DYM: variants seen among roughly 807,000 people sequenced by gnomAD.
DYM encodes dyggve-Melchior-Clausen syndrome protein.
Under a neutral mutation model 93.1 loss-of-function variants are expected in DYM, and 78 were observed. The ratio of observed to expected loss-of-function variants is 0.84; its 90% CI spans 0.70 to 1.01. DYM has a LOEUF of 1.01. Among genes scored for constraint, DYM ranks in the 50% least tolerant of loss-of-function variants. The pLI, the probability that DYM is intolerant of heterozygous loss-of-function variation, is 0.00. For synonymous variants in DYM, 321 were observed against 319.7 expected, an observed-to-expected ratio of 1.00 and a Z score of -0.04; for missense variants, 789 against 845.0, an observed-to-expected ratio of 0.93 and a Z score of 0.82.
chr18:49,249,339 TATC>T (rs1388416651), intron 13 of DYM, among the ~76,000 whole-genome samples: 2 of 152,116 alleles, frequency 1.3e-5, no homozygotes, highest in African/African-American at 4.8e-5. Context: ...TTTCTAAAAT[TATC>T]ATAATCATAT....
intron 1 of DYM, among the ~76,000 whole-genome samples, chr18:49,445,766 T>A (rs1482507297): frequency 6.6e-6 from 1 of 152,102 alleles, no homozygotes. Context: ...GAGTAACACC[T>A]TGCATCAATT....
At chr18:49,324,312 T>G (rs1014216452) in intron 8 of DYM, among the ~76,000 whole-genome samples, 1 of 152,190 alleles carries the variant, frequency 6.6e-6, no homozygotes, top group Non-Finnish European at 1.5e-5. Flanking sequence ...GTAATTCCAG[T>G]TGAGTCTGCA....
intron 14 of DYM, among the ~76,000 whole-genome samples, chr18:49,184,220 CA>C (rs199626783): frequency 0.018 from 2,478 of 139,576 alleles, 68 homozygotes; most frequent in African/African-American, 0.061. Context: ...TTGGGAAAAA[CA>C]AAAAAACAAA....
chr18:49,151,217 C>G (rs889111569), intron 15 of DYM, among the ~76,000 whole-genome samples: 1 of 152,158 alleles, frequency 6.6e-6, no homozygotes, highest in African/African-American at 2.4e-5. Flanking sequence ...TAGATAAAGT[C>G]TGATGCTTTT....
intron 8 of DYM, among the ~76,000 whole-genome samples, chr18:49,297,411 G>T (rs1299724967): frequency 2.6e-5 from 4 of 152,146 alleles, no homozygotes; most frequent in Admixed American, 2.0e-4. Context: ...TATCCTCAGT[G>T]GTTGGGAAGG....
At chr18:49,415,696 T>C (rs1015629730) in intron 2 of DYM, among the ~76,000 whole-genome samples, 1 of 151,732 alleles carries the variant, frequency 6.6e-6, no homozygotes, top group Non-Finnish European at 1.5e-5. Flanking sequence ...TGGAGGCTGA[T>C]GTGGGTGGAT....
In DYM at chr18:49,049,703, A is replaced by T. The variant is rs754296345; in HGVS notation, c.2026-5499T>A. Reference sequence around the variant, plus strand: ...TAATGTTCTGTAATCAAACCTAAAGACTAGACATACTATGATGTTTACTAT... The same window carrying T: ...TAATGTTCTGTAATCAAACCTAAAGTCTAGACATACTATGATGTTTACTAT... On this transcript the variant is annotated intron_variant, in intron 17 of 17. Transcript: ENST00000675505. The T allele has an allele frequency of 6.2e-4, 96 of 154,474 alleles. 2 individuals carry two copies. In the Middle Eastern group the frequency reaches 0.028, roughly 44 times the overall value. The allele number at this position is 154,474 out of a possible 1,614,324, so 9.6% of individuals were successfully genotyped here.
intron 3 of DYM, among the ~76,000 whole-genome samples, chr18:49,381,028 G>C (rs182500269): frequency 6.6e-6 from 1 of 151,838 alleles, no homozygotes; most frequent in South Asian, 2.1e-4. Context: ...ACAGGGTCTC[G>C]GTCTACCACC....
intron 12 of DYM, among the ~76,000 whole-genome samples, chr18:49,257,683 T>TAA (rs34323925): frequency 5.6e-4 from 82 of 146,066 alleles, no homozygotes; most frequent in Middle Eastern, 3.5e-3. Flanking sequence ...TTTGGCTATT[T>TAA]AAAAAAAAAA....
chr18:49,376,906 C>A lies in DYM; in HGVS notation c.421+1661G>T, dbSNP rs999265597. Among the ~76,000 whole-genome samples the A allele has an allele frequency of 2.0e-5, 3 of 152,206 alleles. No individual in the cohort carries two copies. In the East Asian group the frequency reaches 5.8e-4, roughly 29 times the overall value. ...AATTCATATTCTATTTCTCCAAAAC[C>A]GTTTCCTGATCTTGAAAGAGGCCAT... On this transcript the variant is annotated intron_variant, in intron 5 of 17. Coordinates refer to ENST00000675505, the MANE Select transcript of DYM (RefSeq NM_001353214.3).
intron 8 of DYM, among the ~76,000 whole-genome samples, chr18:49,292,355 G>GACACACACACACACACACACAC (rs57025579): frequency 1.5e-4 from 13 of 84,740 alleles, no homozygotes; most frequent in East Asian, 1.4e-3. Context: ...CAGACAGACA[G>GACACACACACACACACACACAC]ACACACACAC....
At chr18:49,060,548 C>G (rs1280121354) in intron 17 of DYM, among the ~76,000 whole-genome samples, 4 of 148,988 alleles carry the variant, frequency 2.7e-5, no homozygotes, top group Non-Finnish European at 4.4e-5. Flanking sequence ...GGTAGGCTCT[C>G]TGTGTGCCAT....
chr18:49,192,944 C>G (rs959293308), intron 14 of DYM, among the ~76,000 whole-genome samples: 2 of 151,966 alleles, frequency 1.3e-5, no homozygotes, highest in African/African-American at 4.8e-5. Flanking sequence ...GTACAAAGCC[C>G]CAGTTAGGCA....
At chr18:49,338,788 A>C (rs2063856964) in intron 6 of DYM, among the ~76,000 whole-genome samples, 1 of 152,232 alleles carries the variant, frequency 6.6e-6, no homozygotes, top group African/African-American at 2.4e-5. Context: ...TGTGAATAAA[A>C]CTAAAGTTGA....
chr18:49,163,038 T>G (rs757690945), intron 15 of DYM, among the ~76,000 whole-genome samples: 11 of 152,230 alleles, frequency 7.2e-5, no homozygotes, highest in East Asian at 1.9e-4. Flanking sequence ...CTTGCTCCCC[T>G]TAAGTTCAAT....
chr18:49,430,470 C>T (rs1254099058), intron 1 of DYM, 23 bp from the exon 2 acceptor site: 1 of 1,575,288 alleles, frequency 6.3e-7, no homozygotes, highest in Non-Finnish European at 8.6e-7. Flanking sequence ...AAAATAAAAA[C>T]TTTAAACTTG....
chr18:49,451,775 G>A (rs564469300), intron 1 of DYM, among the ~76,000 whole-genome samples: 1 of 152,348 alleles, frequency 6.6e-6, no homozygotes, highest in South Asian at 2.1e-4. Context: ...GGACTAGAGA[G>A]AGAAAATATG....
At chr18:49,170,005 G>A (rs2088454202) in intron 14 of DYM, among the ~76,000 whole-genome samples, 1 of 152,164 alleles carries the variant, frequency 6.6e-6, no homozygotes, top group African/African-American at 2.4e-5. Flanking sequence ...GGGAAACACA[G>A]TGGCTAGCTG....
chr18:49,129,206 C>T (rs1388057468), intron 15 of DYM, among the ~76,000 whole-genome samples: 1 of 151,920 alleles, frequency 6.6e-6, no homozygotes, highest in African/African-American at 2.4e-5. Context: ...TTGCCATGGA[C>T]AGGGCACGTC....
Sources: gnomAD v4.1 joint callset for allele counts (sites outside exome capture counted in the v4.1 genomes callset) on GRCh38, gnomAD v4.1.1 for gene constraint, MANE v1.5 for transcripts, NCBI Gene and HGNC (gene_info 2026-07-23, HGNC 2026-07-21) for gene names.